ANKAR: variants seen among roughly 807,000 people sequenced by gnomAD.
ANKAR encodes the protein ankyrin and armadillo repeat-containing protein.
A neutral mutation model predicts 146.2 loss-of-function variants in ANKAR; 136 were observed. The ratio of observed to expected loss-of-function variants is 0.93; its 90% CI spans 0.81 to 1.07. The LOEUF (loss-of-function observed/expected upper bound fraction) is 1.07. Ranked by LOEUF, ANKAR falls within the 50% of genes least tolerant of loss-of-function variation. The pLI is 0.00. For missense variants in ANKAR, 1,567 were observed against 1,679.9 expected, an observed-to-expected ratio of 0.93 and a Z score of 1.18; for synonymous variants, 500 against 575.8, an observed-to-expected ratio of 0.87 and a Z score of 1.88.
chr2:189,683,674 A>T (rs1174316549), intron 2 of ANKAR, among the ~76,000 whole-genome samples: 1 of 152,210 alleles, frequency 6.6e-6, no homozygotes, highest in Admixed American at 6.5e-5. Context: ...TTGCAGGTAC[A>T]TGGTGTCAAG....
chr2:189,677,673 CTT>C (rs1231293787), intron 2 of ANKAR, among the ~76,000 whole-genome samples: 1 of 143,332 alleles, frequency 7.0e-6, no homozygotes. Context: ...TTCTTTCTTT[CTT>C]TTTTTTTTTT....
chr2:189,760,391 C>T (rs968728425), intron 18 of ANKAR, among the ~76,000 whole-genome samples: 1 of 152,114 alleles, frequency 6.6e-6, no homozygotes, highest in African/African-American at 2.4e-5. Flanking sequence ...GGCGCCCCCA[C>T]CTCCCAGACG....
Position 189,693,176 on chromosome 2 carries a change from A to G in ANKAR, c.1306A>G (p.Ser436Gly), listed in dbSNP as rs749435355. ...ACCAGTCATGGAATTTCATGGAAAA[A>G]GGTACGGAGCTTTCACTAATTACTG... ...SIPVMEFHGKSYYVIYFELET... is the reference protein window; with the variant it reads ...SIPVMEFHGKGYYVIYFELET... The change falls in exon 5 of 23, where the codon AGC becomes GGC. Residue 436 changes from serine (S) to glycine (G), a missense_variant and splice_region_variant. By Grantham distance (56) the Ser-to-Gly change is moderately conservative. Transcript: ENST00000684021. 3 of 1,537,572 alleles carry G rather than the reference A, an allele frequency of 2.0e-6. No homozygotes were observed. Among genetic ancestry groups the G allele is most frequent in the Non-Finnish European group, 2.7e-6 (3 of 1,129,482 alleles).
rs2044203367 is a variant in ANKAR at position 189,746,619 on chromosome 2, G to C, written c.4297G>C (p.Glu1433Gln). 1 of 1,587,986 alleles carries C rather than the reference G, an allele frequency of 6.3e-7. No individual in the cohort carries two copies. The highest frequency in any genetic ancestry group is 1.2e-5 in the South Asian group (1 of 84,966). The change falls in exon 23 of 23, where the codon GAA (glutamate) becomes CAA (glutamine). Residue 1433 changes from glutamate to glutamine, a missense_variant. By Grantham distance (29) the Glu-to-Gln change is conservative (BLOSUM62 2). Coordinates refer to ENST00000684021, the MANE Select transcript of ANKAR (RefSeq NM_001378068.1). ...CCAGAAAGCCAACCCAGAGCCTGCA[G>C]AAGGCTAATAAAACATTTTAGAATG... ...HVQKANPEPA[E>Q]G
Position 189,685,448 on chromosome 2 carries a change from A to T in ANKAR, c.602-4079A>T, listed in dbSNP as rs554251522. 3.3e-5 allele frequency among the ~76,000 whole-genome samples: 5 copies of T among 152,232 alleles called. No individual in the cohort carries two copies. The South Asian group carries it at 1.0e-3, about 32-fold the overall frequency. ...TTTTTCCTTAGAGATGTCTCTCTTG[A>T]TAACTTCATCCTCTTCCTTTTGTCA... On this transcript the variant is annotated intron_variant, in intron 2 of 22. Transcript: ENST00000684021.
At chr2:189,725,275 T>C (rs2041744823) in intron 12 of ANKAR, among the ~76,000 whole-genome samples, 1 of 94,018 alleles carries the variant, frequency 1.1e-5, no homozygotes, top group African/African-American at 4.4e-5. Flanking sequence ...TATATATGGA[T>C]TTATACACAC....
At chr2:189,762,857 T>TA (rs1290557567), downstream of ANKAR, 5 of 985,250 alleles carry the variant, frequency 5.1e-6, no homozygotes, top group Admixed American at 2.5e-4. Flanking sequence ...GCGGCATGCT[T>TA]AGTGAAGAAA....
intron 2 of ANKAR, among the ~76,000 whole-genome samples, chr2:189,679,033 A>T (rs1005198402): frequency 2.0e-5 from 3 of 152,188 alleles, no homozygotes; most frequent in Admixed American, 6.5e-5. Flanking sequence ...CATTTTCACA[A>T]TATTGATTCT....
In ANKAR at chr2:189,722,901, A is replaced by G. The variant is rs188254631; in HGVS notation, c.2635+2114A>G. Among the ~76,000 whole-genome samples, 8 of 152,092 alleles carry G rather than the reference A, an allele frequency of 5.3e-5. No individual in the cohort carries two copies. The East Asian group carries it at 1.5e-3, about 29-fold the overall frequency. ...GTCTAAAAAAAAAAAAAAGAAAAGA[A>G]AACTATAGTATGAAATAAATTATTG... is the stretch of plus-strand genomic sequence containing the variant. On this transcript the variant is annotated intron_variant, in intron 12 of 22. Coordinates refer to ENST00000684021, the MANE Select transcript of ANKAR (RefSeq NM_001378068.1).
At chr2:189,691,726 A>T (rs560362314) in intron 3 of ANKAR, among the ~76,000 whole-genome samples, 122 of 149,340 alleles carry the variant, frequency 8.2e-4, no homozygotes, top group African/African-American at 2.8e-3. Context: ...ATATATATAT[A>T]ATATATAAAC....
At chr2:189,726,805 A>G (rs1158035853) in intron 12 of ANKAR, among the ~76,000 whole-genome samples, 1 of 152,214 alleles carries the variant, frequency 6.6e-6, no homozygotes, top group East Asian at 1.9e-4. Context: ...ACACTAGACT[A>G]TTAAAGAGAT....
Position 189,743,347 on chromosome 2 carries a change from G to A in ANKAR, c.3883G>A (p.Glu1295Lys), listed in dbSNP as rs2105904019. 6.2e-7 allele frequency: 1 copy of A among 1,614,036 alleles called. No individual in the cohort carries two copies. The highest frequency in any genetic ancestry group is 1.7e-4 in the Middle Eastern group (1 of 6,054). Residue 1295 changes from glutamate to lysine, a missense_variant, in exon 21 of 23, where the codon GAA (glutamate) becomes AAA (lysine). By Grantham distance (56) the Glu-to-Lys change is moderately conservative. Transcript: ENST00000684021. ...NANAFRILLKECRNKPNQFIR... is the reference protein window; with the variant it reads ...NANAFRILLKKCRNKPNQFIR... Reference sequence around the variant, plus strand: ...AAATGCTTTCCGCATCCTATTAAAAGAATGCAGGAATAAACCTAATCAGTT... The same window carrying A: ...AAATGCTTTCCGCATCCTATTAAAAAAATGCAGGAATAAACCTAATCAGTT...
At chr2:189,691,628 A>G (rs1248408591) in intron 3 of ANKAR, among the ~76,000 whole-genome samples, 1 of 151,312 alleles carries the variant, frequency 6.6e-6, no homozygotes, top group Non-Finnish European at 1.5e-5. Flanking sequence ...ATACTTTTGA[A>G]ATGTCTGTAC....
chr2:189,689,814 A>C lies in ANKAR; in HGVS notation c.889A>C (p.Lys297Gln), dbSNP rs1237529967. 2 of 1,606,304 alleles carry C rather than the reference A, an allele frequency of 1.2e-6. No individual in the cohort carries two copies. Among genetic ancestry groups the C allele is most frequent in the Non-Finnish European group, 1.7e-6 (2 of 1,177,216 alleles). The change falls in exon 3 of 23, where the codon AAG (lysine) becomes CAG (glutamine). Residue 297 changes from lysine to glutamine, a missense_variant. By Grantham distance (53) the Lys-to-Gln change is moderately conservative. Transcript: ENST00000684021. ...ACAGCAAAGATTATATCTTCAAAAA[A>C]AGATTATTCAAAAACACTTTGAGAA... Reference protein sequence around the residue: ...RLQQRLYLQKKIIQKHFEKKK... With the variant: ...RLQQRLYLQKQIIQKHFEKKK...
chr2:189,752,935 A>G, intron 18 of ANKAR: 1 of 1,613,490 alleles, frequency 6.2e-7, no homozygotes, highest in Non-Finnish European at 8.5e-7. Context: ...AAATTTCCAG[A>G]GCTCTGCGGA....
chr2:189,747,584 A>G (rs1324157710), downstream of ANKAR, among the ~76,000 whole-genome samples: 1 of 152,190 alleles, frequency 6.6e-6, no homozygotes, highest in African/African-American at 2.4e-5. Context: ...GCTTAGAACC[A>G]TATGATGTCT....
chr2:189,735,285 CTACAAATGG>C (rs1323833869), intron 17 of ANKAR, among the ~76,000 whole-genome samples: 1 of 152,138 alleles, frequency 6.6e-6, no homozygotes, highest in Non-Finnish European at 1.5e-5. Context: ...TGCATCAGTT[CTACAAATGG>C]TAGGGAATCT....
intron 16 of ANKAR, among the ~76,000 whole-genome samples, chr2:189,731,574 T>C (rs1486497855): frequency 6.6e-6 from 1 of 152,026 alleles, no homozygotes; most frequent in Non-Finnish European, 1.5e-5. Context: ...GGTTTCACCA[T>C]GTGGCCAGGC....
intron 6 of ANKAR, among the ~76,000 whole-genome samples, chr2:189,695,661 A>T (rs1355055515): frequency 6.6e-6 from 1 of 152,236 alleles, no homozygotes; most frequent in Non-Finnish European, 1.5e-5. Flanking sequence ...GAAGCTCACC[A>T]GCTTCAAAGG....
Sources: gnomAD v4.1 joint callset for allele counts (sites outside exome capture counted in the v4.1 genomes callset) on GRCh38, gnomAD v4.1.1 for gene constraint, MANE v1.5 for transcripts, NCBI Gene and HGNC (gene_info 2026-07-23, HGNC 2026-07-21) for gene names.